Variants in ITGB3BP observed in about 807,000 individuals in gnomAD.
ITGB3BP encodes centromere protein R.
A neutral mutation model predicts 29.1 loss-of-function variants in ITGB3BP; 27 were observed. The ratio of observed to expected loss-of-function variants is 0.93; its 90% CI spans 0.68 to 1.28. The LOEUF is 1.28. ITGB3BP is among the 50% of genes most tolerant of loss of function. ITGB3BP has a pLI of 0.00. For synonymous variants in ITGB3BP, 61 were observed against 61.4 expected (o/e 0.99, Z 0.03); for missense variants, 192 against 200.2 (o/e 0.96, Z 0.25).
At chr1:63,496,656 C>T (rs1475229690) in intron 2 of ITGB3BP, among the ~76,000 whole-genome samples, 1 of 152,204 alleles carries the variant, frequency 6.6e-6, no homozygotes, top group Non-Finnish European at 1.5e-5. Flanking sequence ...CCACAAAAAA[C>T]AGCTACTTGG....
At chr1:63,511,845 T>C (rs1570317836) in intron 1 of ITGB3BP, among the ~76,000 whole-genome samples, 1 of 152,024 alleles carries the variant, frequency 6.6e-6, no homozygotes, top group Non-Finnish European at 1.5e-5. Flanking sequence ...TGAAAAAAAA[T>C]TCTAGAAATG....
At chr1:63,460,677 C>T (rs1468570800) in intron 4 of ITGB3BP, among the ~76,000 whole-genome samples, 2 of 152,110 alleles carry the variant, frequency 1.3e-5, no homozygotes, top group Non-Finnish European at 2.9e-5. Flanking sequence ...ATTGCTTGGT[C>T]TTATGGTAAT....
intron 7 of ITGB3BP, among the ~76,000 whole-genome samples, chr1:63,448,343 A>T (rs895509190): frequency 2.0e-4 from 30 of 151,922 alleles, no homozygotes; most frequent in Admixed American, 7.2e-4. Flanking sequence ...AAATAAAAAA[A>T]AAAAAGCAAT....
intron 7 of ITGB3BP, among the ~76,000 whole-genome samples, chr1:63,448,484 A>C (rs1280231223): frequency 1.3e-5 from 2 of 152,110 alleles, no homozygotes; most frequent in African/African-American, 4.8e-5. Context: ...GAACTGGAGG[A>C]AAAATCACCT....
chr1:63,476,782 G>C (rs992062753), intron 4 of ITGB3BP, among the ~76,000 whole-genome samples: 3 of 152,160 alleles, frequency 2.0e-5, no homozygotes, highest in Non-Finnish European at 4.4e-5. Context: ...AATTAATTTG[G>C]TTTAGCAGGC....
At chr1:63,471,540 C>T (rs894898985) in intron 4 of ITGB3BP, among the ~76,000 whole-genome samples, 4 of 151,948 alleles carry the variant, frequency 2.6e-5, no homozygotes, top group Non-Finnish European at 1.5e-5. Context: ...CATAAGCCGT[C>T]GTGCCCAGCC....
Position 63,523,159 on chromosome 1 carries a change from C to T in ITGB3BP, c.-26G>A. 2 of 1,613,962 alleles carry T rather than the reference C, an allele frequency of 1.2e-6. No individual in the cohort carries two copies. Among genetic ancestry groups the T allele is most frequent in the Non-Finnish European group, 1.7e-6 (2 of 1,179,988 alleles). On this transcript the variant is annotated 5_prime_UTR_variant, in exon 1 of 9. Coordinates refer to ENST00000271002, the MANE Select transcript of ITGB3BP (RefSeq NM_014288.5). ...TCTGAGATTCGGGAAAGCACCACTG[C>T]CGCTGAATAAAACGAACCCAGCAAC...
At chr1:63,450,351 T>G (rs1644845477) in intron 7 of ITGB3BP, among the ~76,000 whole-genome samples, 1 of 151,990 alleles carries the variant, frequency 6.6e-6, no homozygotes, top group African/African-American at 2.4e-5. Flanking sequence ...TGGCAACTGC[T>G]CTACAATTTG....
At chr1:63,467,889 A>G (rs2100564652) in intron 4 of ITGB3BP, among the ~76,000 whole-genome samples, 1 of 152,322 alleles carries the variant, frequency 6.6e-6, no homozygotes, top group Non-Finnish European at 1.5e-5. Context: ...ATCTTCTTTT[A>G]TTGGTAAATG....
At chr1:63,497,955 G>A in intron 2 of ITGB3BP, among the ~76,000 whole-genome samples, 1 of 150,822 alleles carries the variant, frequency 6.6e-6, no homozygotes. Context: ...AAAATACAAT[G>A]AATAAATACT....
At chr1:63,509,772 G>C (rs552770308) in intron 1 of ITGB3BP, among the ~76,000 whole-genome samples, 1 of 152,152 alleles carries the variant, frequency 6.6e-6, no homozygotes, top group South Asian at 2.1e-4. Flanking sequence ...TTCCCAATGA[G>C]GCAAGAAGAA....
Position 63,499,065 on chromosome 1 carries a change from C to T in ITGB3BP, c.49-8847G>A, listed in dbSNP as rs191637705. 4.4e-3 allele frequency among the ~76,000 whole-genome samples: 671 copies of T among 151,104 alleles called. 6 individuals carry two copies. The highest frequency in any genetic ancestry group is 0.015 in the African/African-American group (617 of 41,156). ...GAACAGGAAAATCTTAATAAATCAA[C>T]AGCATGTAAAGACATAAGAGTTAAT... On this transcript the variant is annotated intron_variant, in intron 2 of 8. Coordinates refer to ENST00000271002, the MANE Select transcript of ITGB3BP (RefSeq NM_014288.5).
intron 1 of ITGB3BP, among the ~76,000 whole-genome samples, chr1:63,517,379 A>G (rs945741002): frequency 3.3e-5 from 5 of 151,304 alleles, no homozygotes; most frequent in Non-Finnish European, 7.4e-5. Context: ...AAAGTATAAT[A>G]ATAAAAAAAT....
chr1:63,514,314 A>G (rs2100801835), intron 1 of ITGB3BP, among the ~76,000 whole-genome samples: 1 of 152,306 alleles, frequency 6.6e-6, no homozygotes, highest in Middle Eastern at 3.4e-3. Context: ...AGCTTCCAAG[A>G]ACACCTTTTA....
intron 4 of ITGB3BP, among the ~76,000 whole-genome samples, chr1:63,462,959 A>C (rs1645040598): frequency 6.6e-6 from 1 of 152,188 alleles, no homozygotes; most frequent in South Asian, 2.1e-4. Context: ...CTAGTGACTA[A>C]AAATAAGTCC....
intron 1 of ITGB3BP, among the ~76,000 whole-genome samples, chr1:63,512,248 T>C (rs1389759242): frequency 6.6e-6 from 1 of 152,098 alleles, no homozygotes; most frequent in Non-Finnish European, 1.5e-5. Context: ...TGTATAATTA[T>C]ATTATTCTCT....
intron 8 of ITGB3BP, among the ~76,000 whole-genome samples, chr1:63,441,942 T>C (rs1334610900): frequency 6.7e-6 from 1 of 149,966 alleles, no homozygotes; most frequent in Non-Finnish European, 1.5e-5. Context: ...TCTTTAAAAA[T>C]GACCTAATAA....
intron 3 of ITGB3BP, among the ~76,000 whole-genome samples, chr1:63,486,217 T>C (rs1645526915): frequency 6.6e-6 from 1 of 152,122 alleles, no homozygotes; most frequent in Non-Finnish European, 1.5e-5. Context: ...AAATTTGTTG[T>C]TTATTCTTCT....
intron 4 of ITGB3BP, among the ~76,000 whole-genome samples, chr1:63,473,298 G>A (rs1258241936): frequency 1.3e-4 from 20 of 151,972 alleles, no homozygotes; most frequent in East Asian, 7.9e-4. Flanking sequence ...CGTCTGGGAA[G>A]TGAGGAGCGT....
Sources: gnomAD v4.1 joint callset for allele counts (sites outside exome capture counted in the v4.1 genomes callset) on GRCh38, gnomAD v4.1.1 for gene constraint, MANE v1.5 for transcripts, NCBI Gene and HGNC (gene_info 2026-07-23, HGNC 2026-07-21) for gene names.